The following MOGAT1 variants were observed in gnomAD, a reference collection of about 807,000 sequenced individuals.
MOGAT1 encodes the protein 2-acylglycerol O-acyltransferase 1.
A neutral mutation model predicts 31.4 loss-of-function variants in MOGAT1; 32 were observed. The ratio of observed to expected loss-of-function variants is 1.02; its 90% CI spans 0.77 to 1.37. The LOEUF is 1.37. Among genes scored for constraint, MOGAT1 ranks in the 40% most tolerant of loss-of-function variants. MOGAT1 has a pLI of 0.00. For missense variants in MOGAT1, 426 were observed against 402.0 expected (o/e 1.06, Z -0.51); for synonymous variants, 145 against 144.5 (o/e 1.00, Z -0.03).
chr2:222,680,158 C>A (rs1692556329), intron 1 of MOGAT1, among the ~76,000 whole-genome samples: 1 of 152,188 alleles, frequency 6.6e-6, no homozygotes, highest in African/African-American at 2.4e-5. Flanking sequence ...TTCCTTCAAT[C>A]TGGAAAATTT....
intron 3 of MOGAT1, among the ~76,000 whole-genome samples, chr2:222,693,077 C>T (rs1692786110): frequency 1.3e-5 from 2 of 152,284 alleles, no homozygotes; most frequent in Non-Finnish European, 2.9e-5. Flanking sequence ...ATTAGCATAT[C>T]ATTTTCTTCA....
At chr2:222,687,072 C>T (rs530189952) in intron 1 of MOGAT1, among the ~76,000 whole-genome samples, 22 of 133,482 alleles carry the variant, frequency 1.6e-4, no homozygotes, top group African/African-American at 6.0e-4. Context: ...CAAGATTGCA[C>T]CCATGCACTC....
intron 5 of MOGAT1, among the ~76,000 whole-genome samples, chr2:222,701,764 C>A (rs960237440): frequency 6.6e-6 from 1 of 152,064 alleles, no homozygotes; most frequent in Admixed American, 6.5e-5. Flanking sequence ...GATGCTCCAG[C>A]GCTGGCCACA....
At chr2:222,695,750 T>A (rs1692828343) in intron 5 of MOGAT1, among the ~76,000 whole-genome samples, 1 of 152,196 alleles carries the variant, frequency 6.6e-6, no homozygotes, top group African/African-American at 2.4e-5. Context: ...ATTCTGCTAT[T>A]CTGCTATAGA....
chr2:222,683,707 A>G (rs1692620715), intron 1 of MOGAT1, among the ~76,000 whole-genome samples: 1 of 152,176 alleles, frequency 6.6e-6, no homozygotes, highest in African/African-American at 2.4e-5. Flanking sequence ...AGTCTGGGCA[A>G]CAAAGTGAGA....
At chr2:222,701,794 T>C (rs1402427807) in intron 5 of MOGAT1, among the ~76,000 whole-genome samples, 1 of 152,142 alleles carries the variant, frequency 6.6e-6, no homozygotes, top group Non-Finnish European at 1.5e-5. Flanking sequence ...ATCTTGTCAT[T>C]AAGAGGCATT....
chr2:222,699,952 C>T (rs6745329), intron 5 of MOGAT1, among the ~76,000 whole-genome samples: 62,988 of 152,094 alleles, frequency 0.41, 13,485 homozygotes, highest in Middle Eastern at 0.49. Flanking sequence ...GGAATGTTAA[C>T]AGACTTGATC....
Position 222,671,887 on chromosome 2 carries a change from C to A in MOGAT1, c.94+8C>A, listed in dbSNP as rs1393673129. On this transcript the variant is annotated splice_region_variant and intron_variant, in intron 1 of 5. Transcript: ENST00000446656. ...TGAAATACCTGCTGCTCGGTAAGGA[C>A]CCCGCCCCCCGGGCCGCGGGGCTTG... is the stretch of plus-strand genomic sequence containing the variant. The A allele has an allele frequency of 6.5e-7, 1 of 1,549,102 alleles. No homozygotes were observed. The highest frequency in any genetic ancestry group is 2.0e-5 in the Admixed American group (1 of 51,002).
rs1035586562 is a variant in MOGAT1, at chr2:222,695,273, GC to G, written c.840del (p.Ile281SerfsTer15). The stretch of plus-strand genomic sequence containing the variant: ...TTTTGGCCTAATGACCTATAGGAAA[GC>G]CATCCACACTGTTGGTATGTACATA... ...YNFGLMTYRK[A>X]IHTVVGRPIP... On this transcript the variant is annotated frameshift_variant, in exon 5 of 6. Transcript: ENST00000446656. LOFTEE classifies it low-confidence loss of function (END_TRUNC). The G allele has an allele frequency of 1.2e-6, 2 of 1,610,826 alleles. No homozygotes were observed. Among genetic ancestry groups the G allele is most frequent in the Non-Finnish European group, 1.7e-6 (2 of 1,177,826 alleles).
chr2:222,708,535 A>G (rs1012673106), intron 5 of MOGAT1, among the ~76,000 whole-genome samples: 1 of 152,246 alleles, frequency 6.6e-6, no homozygotes, highest in Non-Finnish European at 1.5e-5. Context: ...AAATATGTAT[A>G]GAGGTTGCCA....
intron 1 of MOGAT1, chr2:222,677,704 T>C: frequency 2.4e-6 from 1 of 423,450 alleles, no homozygotes. Flanking sequence ...GCCTTTCTTG[T>C]CTTTTTCTTT....
intron 5 of MOGAT1, among the ~76,000 whole-genome samples, chr2:222,698,239 G>T (rs1488070599): frequency 6.6e-6 from 1 of 152,228 alleles, no homozygotes; most frequent in East Asian, 1.9e-4. Flanking sequence ...CAGGACAAAA[G>T]ATGTTACTTC....
At position 222,709,909 on chromosome 2, in the gene MOGAT1, T is replaced by C. The variant is rs1481186970; in HGVS notation, c.*19T>C. On this transcript the variant is annotated 3_prime_UTR_variant, in exon 6 of 6. Transcript: ENST00000446656. Reference sequence around the variant, plus strand: ...AAAATGACTTGACTATAAAAAAAAATTAAAAAATAAAAATAAATGACTTGG... The same window carrying C: ...AAAATGACTTGACTATAAAAAAAAACTAAAAAATAAAAATAAATGACTTGG... The C allele has an allele frequency of 6.6e-7, 1 of 1,523,742 alleles. No individual in the cohort carries two copies. The highest frequency in any genetic ancestry group is 2.0e-5 in the Admixed American group (1 of 48,920). 94.4% of individuals were successfully genotyped at this position (1,523,742 alleles called of 1,614,324 possible).
At chr2:222,698,690 T>TCA (rs1192016110) in intron 5 of MOGAT1, 2 of 152,376 alleles carry the variant, frequency 1.3e-5, no homozygotes, top group East Asian at 3.9e-4. Flanking sequence ...CACCCTCCTC[T>TCA]CACACACATA....
intron 1 of MOGAT1, among the ~76,000 whole-genome samples, chr2:222,684,337 C>T (rs76010242): frequency 0.018 from 2,737 of 151,482 alleles, 62 homozygotes; most frequent in African/African-American, 0.05. Context: ...ACCCAAGAGG[C>T]GGAGGTTGCA....
At chr2:222,681,507 A>G (rs1692580373) in intron 1 of MOGAT1, among the ~76,000 whole-genome samples, 1 of 152,214 alleles carries the variant, frequency 6.6e-6, no homozygotes, top group Non-Finnish European at 1.5e-5. Flanking sequence ...GGGGTACACC[A>G]ATCTCTCAGC....
chr2:222,690,891 A>G (rs1435944917), intron 3 of MOGAT1, among the ~76,000 whole-genome samples: 1 of 152,236 alleles, frequency 6.6e-6, no homozygotes, highest in African/African-American at 2.4e-5. Context: ...GAGTTTTATA[A>G]AAGGAAGACA....
chr2:222,698,226 C>T (rs183936239), intron 5 of MOGAT1, among the ~76,000 whole-genome samples: 3 of 152,140 alleles, frequency 2.0e-5, no homozygotes, highest in Admixed American at 6.5e-5. Context: ...ACTAGTTGAC[C>T]GTCAGGACAA....
intron 5 of MOGAT1, among the ~76,000 whole-genome samples, chr2:222,697,070 G>C (rs968228985): frequency 1.3e-5 from 2 of 152,018 alleles, no homozygotes; most frequent in African/African-American, 4.8e-5. Context: ...AAAAAACCCA[G>C]GAGCAAAGTA....
Sources: gnomAD v4.1 joint callset for allele counts (sites outside exome capture counted in the v4.1 genomes callset) on GRCh38, gnomAD v4.1.1 for gene constraint, MANE v1.5 for transcripts, NCBI Gene and HGNC (gene_info 2026-07-23, HGNC 2026-07-21) for gene names.